Variants in TRPC4 observed in about 807,000 individuals in gnomAD.
TRPC4 encodes short transient receptor potential channel 4.
TRPC4 carries 49 observed loss-of-function variants against 99.4 expected under a neutral mutation model. The observed-to-expected ratio is 0.49, with a 90% confidence interval of 0.39 to 0.63. The LOEUF is 0.63. Among genes scored for constraint, TRPC4 ranks in the 20% least tolerant of loss-of-function variants. The pLI is 0.00. For synonymous variants in TRPC4, 454 were observed against 425.9 expected (o/e 1.07, Z -0.81); for missense variants, 898 against 1,152.9 (o/e 0.78, Z 3.20).
At chr13:37,762,845 T>C (rs1055348488) in intron 2 of TRPC4, among the ~76,000 whole-genome samples, 3 of 150,858 alleles carry the variant, frequency 2.0e-5, no homozygotes, top group African/African-American at 4.9e-5. Context: ...TGTGCACATG[T>C]ACCCTAAAAC....
chr13:37,761,463 C>T (rs1956220450), intron 2 of TRPC4, among the ~76,000 whole-genome samples: 1 of 151,772 alleles, frequency 6.6e-6, no homozygotes. Flanking sequence ...GGAAAATGTC[C>T]GTTAAATCCT....
rs980167546 is a variant in TRPC4, at chr13:37,635,232, C to T, written c.*1671G>A. 2.0e-5 allele frequency among the ~76,000 whole-genome samples: 3 copies of T among 151,980 alleles called. No individual in the cohort carries two copies. The highest frequency in any genetic ancestry group is 4.4e-5 in the Non-Finnish European group (3 of 67,982). ...GTATATGCATGTTTTATAACTTGCT[C>T]TTTTTATGTTCTGAAAGGCAGTTAC... On this transcript the variant is annotated 3_prime_UTR_variant, in exon 11 of 11. Transcript: ENST00000379705.
intron 10 of TRPC4, 72 bp downstream of exon 10, chr13:37,638,968 A>G (rs1951622991): frequency 1.3e-6 from 2 of 1,513,288 alleles, no homozygotes; most frequent in African/African-American, 1.4e-5. Flanking sequence ...TCCAGCTCTG[A>G]TTTTAAATGT....
At chr13:37,789,868 A>G (rs905959469) in intron 1 of TRPC4, among the ~76,000 whole-genome samples, 4 of 152,080 alleles carry the variant, frequency 2.6e-5, no homozygotes, top group African/African-American at 9.7e-5. Flanking sequence ...TAATTTGCTG[A>G]TGTTTACAGG....
rs35836067 is a variant in TRPC4, at chr13:37,637,201, G to T, written c.2636C>A (p.Pro879Gln). Residue 879 changes from proline to glutamine, a missense_variant, in exon 11 of 11, where the codon CCA (proline) becomes CAA (glutamine). Physicochemically the swap from Pro to Gln is moderately conservative, Grantham distance 76. This residue lies in a region of TRPC4 where 346 missense variants were observed against 351.4 expected (regional missense o/e 0.98). Coordinates refer to ENST00000379705, the MANE Select transcript of TRPC4 (RefSeq NM_016179.4). ...TTCCAGTTGAATATTTCTCTCAAGT[G>T]GTCCTGCAGCCTGTTGACGAGCAAC... ...EEVARQQAAG[P>Q]LERNIQLESR... is the part of the protein sequence containing the mutation. 32 of 1,613,826 alleles carry T rather than the reference G, an allele frequency of 2.0e-5. No individual in the cohort carries two copies. In the East Asian group the frequency reaches 6.7e-4, roughly 34 times the overall value.
intron 1 of TRPC4, among the ~76,000 whole-genome samples, chr13:37,800,132 G>A (rs144030676): frequency 1.8e-3 from 276 of 152,294 alleles, no homozygotes; most frequent in African/African-American, 6.4e-3. Flanking sequence ...AAGTGATTTA[G>A]ATGAATGTAA....
chr13:37,796,563 T>C (rs1375067290), intron 1 of TRPC4, among the ~76,000 whole-genome samples: 1 of 152,146 alleles, frequency 6.6e-6, no homozygotes, highest in Non-Finnish European at 1.5e-5. Context: ...ATTCTGAACC[T>C]GTTTTCTCAT....
intron 3 of TRPC4, among the ~76,000 whole-genome samples, chr13:37,735,396 A>C (rs11841376): frequency 6.6e-6 from 1 of 152,110 alleles, no homozygotes; most frequent in East Asian, 1.9e-4. Context: ...TAAGGCCGCA[A>C]CTCTAAAAGC....
At chr13:37,794,867 C>A (rs1190482978) in intron 1 of TRPC4, among the ~76,000 whole-genome samples, 2 of 152,064 alleles carry the variant, frequency 1.3e-5, no homozygotes, top group Non-Finnish European at 2.9e-5. Flanking sequence ...GAAACTATCT[C>A]CAGAATTCTG....
intron 1 of TRPC4, among the ~76,000 whole-genome samples, chr13:37,793,907 G>A (rs1347723955): frequency 6.6e-6 from 1 of 152,124 alleles, no homozygotes; most frequent in Non-Finnish European, 1.5e-5. Flanking sequence ...CAGGTAATAT[G>A]TGCATAAAAG....
chr13:37,673,514 T>G (rs1273011914), intron 5 of TRPC4, among the ~76,000 whole-genome samples: 1 of 152,070 alleles, frequency 6.6e-6, no homozygotes, highest in African/African-American at 2.4e-5. Flanking sequence ...GAAACTTTTA[T>G]TTTTTTAAAG....
At chr13:37,779,513 A>C (rs966666587) in intron 2 of TRPC4, among the ~76,000 whole-genome samples, 8 of 151,984 alleles carry the variant, frequency 5.3e-5, no homozygotes, top group African/African-American at 1.9e-4. Context: ...ATACCCATCT[A>C]TTTATCTGGA....
At position 37,645,255 on chromosome 13, in the gene TRPC4, A is replaced by C. The variant is rs1951835115; in HGVS notation, c.2080-5956T>G. Among the ~76,000 whole-genome samples the C allele has an allele frequency of 2.6e-5, 4 of 152,158 alleles. No individual in the cohort carries two copies. In the South Asian group the frequency reaches 8.3e-4, roughly 31 times the overall value. ...ATCAGAGAACTCATGTTAAAGAGAAAGACCATCTAGTGAGAAACTGCTGCT... is the reference window on the plus strand; with the variant it reads ...ATCAGAGAACTCATGTTAAAGAGAACGACCATCTAGTGAGAAACTGCTGCT... On this transcript the variant is annotated intron_variant, in intron 8 of 10. Coordinates refer to ENST00000379705, the MANE Select transcript of TRPC4 (RefSeq NM_016179.4).
intron 1 of TRPC4, among the ~76,000 whole-genome samples, chr13:37,803,459 A>G (rs942940873): frequency 8.5e-5 from 13 of 152,076 alleles, no homozygotes; most frequent in Non-Finnish European, 1.5e-4. Context: ...TACACACACA[A>G]AATCATTCTG....
intron 3 of TRPC4, among the ~76,000 whole-genome samples, chr13:37,697,939 C>G (rs1227555639): frequency 6.6e-6 from 1 of 151,868 alleles, no homozygotes; most frequent in Non-Finnish European, 1.5e-5. Context: ...CCTTGAAACT[C>G]TGGGAATGTC....
At chr13:37,788,817 T>A (rs1293275733) in intron 1 of TRPC4, among the ~76,000 whole-genome samples, 1 of 152,186 alleles carries the variant, frequency 6.6e-6, no homozygotes, top group Non-Finnish European at 1.5e-5. Context: ...CCTTAAGATC[T>A]GGACTTCTGC....
chr13:37,859,352 T>G (rs933463338), intron 1 of TRPC4, among the ~76,000 whole-genome samples: 1 of 151,406 alleles, frequency 6.6e-6, no homozygotes, highest in African/African-American at 2.4e-5. Flanking sequence ...ACCAAAATTT[T>G]TCTGAAAGTA....
intron 3 of TRPC4, among the ~76,000 whole-genome samples, chr13:37,692,948 G>T (rs147025940): frequency 1.3e-5 from 2 of 152,010 alleles, no homozygotes; most frequent in Admixed American, 6.6e-5. Context: ...AGCTTAATTC[G>T]GTATAAACAA....
At position 37,634,044 on chromosome 13, in the gene TRPC4, A is replaced by G. The variant is rs551340027; in HGVS notation, c.*2859T>C. ...GTCTATTAAACTGAATTTTCAACAC[A>G]CTCCTTCACCTAACTCAGACACAAA... is the stretch of plus-strand genomic sequence containing the variant. On this transcript the variant is annotated 3_prime_UTR_variant, in exon 11 of 11. Transcript: ENST00000379705. 6.6e-6 allele frequency among the ~76,000 whole-genome samples: 1 copy of G among 151,962 alleles called. No individual in the cohort carries two copies. The highest frequency in any genetic ancestry group is 1.5e-5 in the Non-Finnish European group (1 of 67,952).
Sources: allele counts gnomAD v4.1 joint callset (sites outside exome capture counted in the v4.1 genomes callset), GRCh38; gene constraint gnomAD v4.1.1; regional missense constraint gnomAD v4.1.1; transcripts MANE v1.5; gene names NCBI Gene and HGNC (gene_info 2026-07-23, HGNC 2026-07-21).